The following CST8 variants were observed in gnomAD, a reference collection of about 807,000 sequenced individuals.
CST8 encodes the protein cystatin 8, also known as cystatin-8.
In CST8, 20 loss-of-function variants were observed where a neutral mutation model predicts 11.8. The observed-to-expected ratio is 1.70, with a 90% CI of 1.20 to 2.47. The LOEUF (loss-of-function observed/expected upper bound fraction) is 2.47, where lower values mean the gene tolerates loss of function less well. CST8 is among the 30% of genes most tolerant of loss of function. The pLI is 0.00. For synonymous variants in CST8, 77 were observed against 63.1 expected, an observed-to-expected ratio of 1.22 and a Z score of -1.05; for missense variants, 196 against 167.2, an observed-to-expected ratio of 1.17 and a Z score of -0.95.
downstream of CST8, among the ~76,000 whole-genome samples, chr20:23,498,032 T>G (rs1037988458): frequency 6.0e-5 from 9 of 150,756 alleles, no homozygotes; most frequent in Admixed American, 2.6e-4. Context: ...TGTGTGTGTG[T>G]AGAGAGAGAG....
downstream of CST8, among the ~76,000 whole-genome samples, chr20:23,499,471 T>A (rs931258211): frequency 6.6e-6 from 1 of 152,204 alleles, no homozygotes; most frequent in Non-Finnish European, 1.5e-5. Flanking sequence ...CCCTGCCTTT[T>A]CCAGAAATGA....
Position 23,491,826 on chromosome 20 carries a change from G to T in CST8, c.159G>T (p.Met53Ile), listed in dbSNP as rs1987894581. The change falls in exon 2 of 4, where the codon ATG (methionine) becomes ATT (isoleucine). Residue 53 changes from methionine (M) to isoleucine (I), a missense_variant. Coordinates refer to ENST00000246012, the MANE Select transcript of CST8 (RefSeq NM_005492.4). ...TGAAGCAGTGTCTGTGGTTTGCCAT[G>T]CAAGAATACAACAAAGAGAGCGAGG... Reference protein sequence around the residue: ...ANVKQCLWFAMQEYNKESEDK... With the variant: ...ANVKQCLWFAIQEYNKESEDK... 6.2e-7 allele frequency: 1 copy of T among 1,614,090 alleles called. No homozygotes were observed. The highest frequency in any genetic ancestry group is 1.1e-5 in the South Asian group (1 of 91,084).
chr20:23,493,129 A>C, intron 3 of CST8, 58 bp downstream of exon 3: 1 of 1,072,792 alleles, frequency 9.3e-7, no homozygotes, highest in Admixed American at 1.7e-5. Context: ...CAAGAGAGAA[A>C]GCTGAGGCAC....
the CST8 span, among the ~76,000 whole-genome samples, chr20:23,501,169 G>T: frequency 0.36 from 55,100 of 152,050 alleles, 11,790 homozygotes; most frequent in Non-Finnish European, 0.47. Context: ...TTTAGGAACT[G>T]AACCAGTTAT....
intron 3 of CST8, among the ~76,000 whole-genome samples, chr20:23,495,158 T>C (rs1988004616): frequency 6.6e-6 from 1 of 152,198 alleles, no homozygotes; most frequent in South Asian, 2.1e-4. Context: ...GTTTTATGGC[T>C]GTGTAGAATT....
intron 3 of CST8, 56 bp from the exon 4 acceptor site, chr20:23,495,775 C>CTTTTTTTTT: frequency 3.2e-6 from 3 of 933,512 alleles, no homozygotes; most frequent in South Asian, 3.1e-5. Context: ...TTTTTCTTTT[C>CTTTTTTTTT]TTTTTTTTTT....
At chr20:23,497,896 G>A (rs988979214), downstream of CST8, among the ~76,000 whole-genome samples, 3 of 152,142 alleles carry the variant, frequency 2.0e-5, no homozygotes, top group African/African-American at 7.2e-5. Flanking sequence ...GTAAACAATG[G>A]TCACAAAGAG....
chr20:23,495,551 T>A (rs1181801301), intron 3 of CST8, among the ~76,000 whole-genome samples: 1 of 152,210 alleles, frequency 6.6e-6, no homozygotes, highest in African/African-American at 2.4e-5. Flanking sequence ...TTAAACATAA[T>A]GTCAAGTTTA....
chr20:23,496,537 C>T (rs3004105), downstream of CST8, among the ~76,000 whole-genome samples: 62,233 of 151,930 alleles, frequency 0.41, 13,641 homozygotes, highest in Non-Finnish European at 0.49. Flanking sequence ...ACAGGACTGG[C>T]GAGAAATTAA....
chr20:23,499,825 G>A (rs766414099), downstream of CST8, among the ~76,000 whole-genome samples: 20 of 152,328 alleles, frequency 1.3e-4, no homozygotes, highest in Non-Finnish European at 2.2e-4. Context: ...GGGGAGTGAG[G>A]TCTGTCTCAG....
chr20:23,496,888 G>T (rs1301721971), downstream of CST8, among the ~76,000 whole-genome samples: 1 of 152,170 alleles, frequency 6.6e-6, no homozygotes, highest in Non-Finnish European at 1.5e-5. Flanking sequence ...GCTCACAGGT[G>T]GTCAGAGTTT....
chr20:23,493,948 ACTGCTG>A (rs376455443), intron 3 of CST8, among the ~76,000 whole-genome samples: 1 of 151,902 alleles, frequency 6.6e-6, no homozygotes, highest in Non-Finnish European at 1.5e-5. Context: ...GAGTGGTGCT[ACTGCTG>A]CTGCTGCTGC....
the CST8 span, among the ~76,000 whole-genome samples, chr20:23,503,194 A>G: frequency 6.6e-6 from 1 of 152,244 alleles, no homozygotes; most frequent in Non-Finnish European, 1.5e-5. Context: ...GGGAAATCCA[A>G]AGGAATGAAA....
At chr20:23,491,428 T>TAG in intron 1 of CST8, 86 bp downstream of exon 1, 1 of 559,198 alleles carries the variant, frequency 1.8e-6, no homozygotes, top group South Asian at 2.1e-5. Flanking sequence ...GGGAGGCTGG[T>TAG]AGAGAGACTC....
At chr20:23,506,300 G>T in the CST8 span, among the ~76,000 whole-genome samples, 1 of 152,138 alleles carries the variant, frequency 6.6e-6, no homozygotes, top group Admixed American at 6.5e-5. Context: ...ACATGGTGAG[G>T]GTGGGTGCTG....
chr20:23,495,157 C>A (rs1233383071), intron 3 of CST8, among the ~76,000 whole-genome samples: 1 of 152,150 alleles, frequency 6.6e-6, no homozygotes, highest in Admixed American at 6.5e-5. Flanking sequence ...TGTTTTATGG[C>A]TGTGTAGAAT....
At chr20:23,491,963 A>C in intron 2 of CST8, 65 bp downstream of exon 2, 1 of 1,287,322 alleles carries the variant, frequency 7.8e-7, no homozygotes, top group Non-Finnish European at 1.1e-6. Context: ...CCAGACTGAA[A>C]GAGTGGGCAT....
chr20:23,505,306 G>A, the CST8 span, among the ~76,000 whole-genome samples: 25 of 151,780 alleles, frequency 1.6e-4, no homozygotes, highest in South Asian at 4.2e-4. Flanking sequence ...CACCATGGCC[G>A]GCTAACTTTT....
downstream of CST8, chr20:23,496,042 T>C: frequency 1.4e-6 from 1 of 709,760 alleles, no homozygotes; most frequent in Non-Finnish European, 2.4e-6. Flanking sequence ...TTTTGTTTTT[T>C]AGTTGCATAT....
Sources: gnomAD v4.1 joint callset for allele counts (sites outside exome capture counted in the v4.1 genomes callset) on GRCh38, gnomAD v4.1.1 for gene constraint, MANE v1.5 for transcripts, NCBI Gene and HGNC (gene_info 2026-07-23, HGNC 2026-07-21) for gene names.